TBCE: variants seen among roughly 807,000 people sequenced by gnomAD.
TBCE encodes the protein tubulin folding cofactor E.
TBCE carries 53 observed loss-of-function variants against 77.0 expected under a neutral mutation model. The observed-to-expected ratio is 0.69, with a 90% CI of 0.55 to 0.87. The LOEUF is 0.87. Among genes scored for constraint, TBCE ranks in the 40% least tolerant of loss-of-function variants. The pLI is 0.00. For synonymous variants in TBCE, 235 were observed against 241.3 expected, an observed-to-expected ratio of 0.97 and a Z score of 0.24; for missense variants, 624 against 622.4, an observed-to-expected ratio of 1.00 and a Z score of -0.03.
intron 2 of TBCE, among the ~76,000 whole-genome samples, chr1:235,380,847 G>A (rs1369695424): frequency 6.6e-6 from 1 of 152,060 alleles, no homozygotes; most frequent in Non-Finnish European, 1.5e-5. Flanking sequence ...GTGTAGTGGT[G>A]CGATGTTGGC....
At chr1:235,430,830 C>A in intron 7 of TBCE, 26 bp downstream of exon 7, 1 of 1,564,192 alleles carries the variant, frequency 6.4e-7, no homozygotes, top group Non-Finnish European at 8.8e-7. Context: ...TGTTTTATTA[C>A]ACATTAATAA....
intron 2 of TBCE, among the ~76,000 whole-genome samples, chr1:235,399,540 T>C (rs1034898388): frequency 6.6e-6 from 1 of 152,246 alleles, no homozygotes; most frequent in African/African-American, 2.4e-5. Context: ...GGAATGCTAA[T>C]GTCTTTGAAC....
At chr1:235,428,980 TATA>T (rs1348413034) in intron 6 of TBCE, 1 of 101,214 alleles carries the variant, frequency 9.9e-6, no homozygotes, top group Non-Finnish European at 1.8e-5. Context: ...TATATATATA[TATA>T]TATTTTTTTT....
intron 16 of TBCE, 68 bp from the exon 17 acceptor site, chr1:235,448,602 A>C: frequency 7.0e-7 from 1 of 1,426,766 alleles, no homozygotes; most frequent in Non-Finnish European, 9.9e-7. Flanking sequence ...GTGGGGGAAG[A>C]GTATGTGTAG....
intron 15 of TBCE, among the ~76,000 whole-genome samples, chr1:235,444,565 C>T (rs931066347): frequency 6.6e-5 from 10 of 152,060 alleles, no homozygotes; most frequent in South Asian, 2.1e-4. Flanking sequence ...CACCACACCC[C>T]GCTAATTTTT....
intron 2 of TBCE, among the ~76,000 whole-genome samples, chr1:235,381,306 A>T (rs1677621208): frequency 6.6e-6 from 1 of 152,262 alleles, no homozygotes; most frequent in Admixed American, 6.5e-5. Flanking sequence ...TGAGACTAGA[A>T]TCTAATGACA....
At chr1:235,381,779 C>CT (rs200258047) in intron 2 of TBCE, among the ~76,000 whole-genome samples, 2 of 135,552 alleles carry the variant, frequency 1.5e-5, no homozygotes, top group Non-Finnish European at 3.2e-5. Flanking sequence ...AATTATTTTT[C>CT]TTTTTTTTCT....
rs546312808 is a variant in TBCE, at chr1:235,402,282, C to T, written c.185+695C>T. Among the ~76,000 whole-genome samples the T allele has an allele frequency of 3.9e-3, 599 of 151,770 alleles. 4 individuals carry two copies. Among genetic ancestry groups the T allele is most frequent in the African/African-American group, 0.014 (572 of 41,426 alleles). Reference sequence around the variant, plus strand: ...TTTCACCATATTGGCCAGGCTGGTCCCGAACTCCTGACCTTGTGATCCGCC... The same window carrying T: ...TTTCACCATATTGGCCAGGCTGGTCTCGAACTCCTGACCTTGTGATCCGCC... On this transcript the variant is annotated intron_variant, in intron 3 of 16. Transcript: ENST00000642610.
chr1:235,413,569 A>G (rs149372743), intron 3 of TBCE, among the ~76,000 whole-genome samples: 6,573 of 151,714 alleles, frequency 0.043, 226 homozygotes, highest in African/African-American at 0.094. Context: ...AGGCTGAGGC[A>G]GGAGAACTGC....
intron 2 of TBCE, among the ~76,000 whole-genome samples, chr1:235,391,419 A>T (rs955261464): frequency 6.0e-5 from 9 of 150,386 alleles, no homozygotes; most frequent in African/African-American, 2.2e-4. Context: ...TGGGACGTGG[A>T]GGTTGCAGTG....
intron 14 of TBCE, among the ~76,000 whole-genome samples, chr1:235,442,623 G>A (rs1266699578): frequency 2.0e-5 from 3 of 152,170 alleles, no homozygotes. Context: ...ACCTAGCCAA[G>A]CTGTAAGGAA....
intron 2 of TBCE, among the ~76,000 whole-genome samples, chr1:235,389,475 C>T (rs146246931): frequency 1.5e-3 from 235 of 152,192 alleles, no homozygotes; most frequent in African/African-American, 5.3e-3. Flanking sequence ...CTACAGGCAC[C>T]TGCCACCACA....
intron 6 of TBCE, among the ~76,000 whole-genome samples, chr1:235,427,866 A>C (rs1680818696): frequency 6.6e-6 from 1 of 152,084 alleles, no homozygotes; most frequent in Non-Finnish European, 1.5e-5. Flanking sequence ...CCCCGTCTCT[A>C]CTAAAAATAC....
chr1:235,429,007 A>C (rs1482018971), intron 6 of TBCE: 2 of 65,814 alleles, frequency 3.0e-5, no homozygotes, highest in Non-Finnish European at 5.4e-5. Flanking sequence ...TTTTTTTTTG[A>C]GACAGAGTCT....
intron 1 of TBCE, among the ~76,000 whole-genome samples, chr1:235,372,856 G>T (rs930431368): frequency 1.3e-5 from 2 of 150,750 alleles, no homozygotes; most frequent in Non-Finnish European, 3.0e-5. Context: ...CCCGGGAGGC[G>T]GAGCTTGCAG....
At chr1:235,393,540 A>G (rs1273542123) in intron 2 of TBCE, among the ~76,000 whole-genome samples, 1 of 152,234 alleles carries the variant, frequency 6.6e-6, no homozygotes, top group Non-Finnish European at 1.5e-5. Context: ...TGTCTAAAAA[A>G]AATAGTATTT....
Position 235,441,891 on chromosome 1 carries a change from CTCAGAT to C in TBCE, c.1339+13_1339+18del, listed in dbSNP as rs763750658. The C allele has an allele frequency of 6.2e-6, 10 of 1,612,854 alleles. No homozygotes were observed. In the Admixed American group the frequency reaches 6.7e-5, roughly 11 times the overall value. ...GAAAAACCAGCTACTAAGTAAGAAT[CTCAGAT>C]TCAAATAGTTTATTTGTATTTGAGT... On this transcript the variant is annotated intron_variant, in intron 14 of 16. Coordinates refer to ENST00000642610, the MANE Select transcript of TBCE (RefSeq NM_003193.5).
chr1:235,439,432 C>T (rs1253476359), intron 13 of TBCE, among the ~76,000 whole-genome samples: 1 of 149,020 alleles, frequency 6.7e-6, no homozygotes, highest in Admixed American at 6.7e-5. Flanking sequence ...GGGGGCGGAG[C>T]TTGCAGTGAG....
intron 2 of TBCE, among the ~76,000 whole-genome samples, chr1:235,395,191 A>T (rs12730531): frequency 0.14 from 20,856 of 152,026 alleles, 1,744 homozygotes; most frequent in African/African-American, 0.23. Flanking sequence ...ACCAAGGAGG[A>T]TGATTTCTGG....
Sources: allele counts gnomAD v4.1 joint callset (sites outside exome capture counted in the v4.1 genomes callset), GRCh38; gene constraint gnomAD v4.1.1; transcripts MANE v1.5; gene names NCBI Gene and HGNC (gene_info 2026-07-23, HGNC 2026-07-21).